AKT3: variants seen among roughly 807,000 people sequenced by gnomAD.
AKT3 encodes AKT serine/threonine kinase 3, also known as RAC-gamma serine/threonine-protein kinase.
AKT3 carries 15 observed loss-of-function variants against 65.3 expected under a neutral mutation model. That is an observed-to-expected ratio of 0.23 (90% CI 0.15 to 0.35). The LOEUF is 0.35. AKT3 is among the 10% of genes least tolerant of loss of function. The pLI, the probability that AKT3 is intolerant of heterozygous loss-of-function variation, is 1.00. For synonymous variants in AKT3, 206 were observed against 183.8 expected (o/e 1.12, Z -0.98); for missense variants, 243 against 576.5 (o/e 0.42, Z 5.92).
intron 11 of AKT3, 123 bp downstream of exon 11, chr1:243,552,606 C>T (rs1446688917): frequency 1.2e-6 from 1 of 863,412 alleles, no homozygotes; most frequent in African/African-American, 1.7e-5. Context: ...GTCAGGATCT[C>T]AGTGGGAAGA....
intron 12 of AKT3, 148 bp from the exon 13 acceptor site, chr1:243,512,574 C>T: frequency 1.7e-6 from 1 of 576,794 alleles, no homozygotes; most frequent in Non-Finnish European, 3.0e-6. Context: ...TGATATTTGG[C>T]TTCCCAGTCA....
At chr1:243,752,857 G>T (rs1301029201) in intron 2 of AKT3, among the ~76,000 whole-genome samples, 2 of 152,178 alleles carry the variant, frequency 1.3e-5, no homozygotes, top group Non-Finnish European at 2.9e-5. Flanking sequence ...AGGCTCTTGG[G>T]ATGAAAGTGT....
In AKT3 at chr1:243,686,961, G is replaced by A. The variant is rs558419752; in HGVS notation, c.172+8630C>T. On this transcript the variant is annotated intron_variant, in intron 3 of 13. Transcript: ENST00000673466. ...ATTACAGGCGTGAGCCACACCACTC[G>A]GCTATATGATCTCACTTGATCCTCA... 7.9e-4 allele frequency among the ~76,000 whole-genome samples: 120 copies of A among 151,676 alleles called. 1 individual carries two copies. In the Middle Eastern group the frequency reaches 0.031, roughly 39 times the overall value.
At chr1:243,837,692 C>T (rs1276172645) in intron 2 of AKT3, among the ~76,000 whole-genome samples, 1 of 152,068 alleles carries the variant, frequency 6.6e-6, no homozygotes, top group Non-Finnish European at 1.5e-5. Flanking sequence ...AAACTGACCA[C>T]CACTCATGAT....
intron 2 of AKT3, among the ~76,000 whole-genome samples, chr1:243,792,731 T>C (rs1017316790): frequency 1.3e-5 from 2 of 152,170 alleles, no homozygotes; most frequent in Non-Finnish European, 2.9e-5. Flanking sequence ...CACTTATCTC[T>C]GTAGGAAGAA....
chr1:243,642,582 T>G (rs537418239), intron 5 of AKT3, among the ~76,000 whole-genome samples: 23 of 152,342 alleles, frequency 1.5e-4, no homozygotes, highest in African/African-American at 4.3e-4. Flanking sequence ...GTGCTGGGAT[T>G]ACAGGCGTGA....
chr1:243,695,852 A>G (rs563632243), intron 2 of AKT3, 136 bp from the exon 3 acceptor site: 1 of 616,002 alleles, frequency 1.6e-6, no homozygotes, highest in East Asian at 3.7e-5. Context: ...CTTTTAACTT[A>G]GCTTACAAAA....
At chr1:243,533,846 C>T (rs570754822) in intron 12 of AKT3, among the ~76,000 whole-genome samples, 4 of 152,104 alleles carry the variant, frequency 2.6e-5, no homozygotes, top group South Asian at 2.1e-4. Context: ...AAAAATTAGC[C>T]GGGCGTGGTG....
intron 6 of AKT3, among the ~76,000 whole-genome samples, chr1:243,616,724 A>T (rs1395217838): frequency 2.0e-5 from 3 of 152,296 alleles, no homozygotes; most frequent in African/African-American, 7.2e-5. Flanking sequence ...ATTTGACCTT[A>T]AACTCGAAAG....
At chr1:243,594,612 A>G (rs1482525431) in intron 8 of AKT3, among the ~76,000 whole-genome samples, 3 of 152,202 alleles carry the variant, frequency 2.0e-5, no homozygotes, top group East Asian at 3.8e-4. Flanking sequence ...AAGTCACACA[A>G]TCAGAGACAG....
chr1:243,500,201 C>CCATT lies in AKT3; in HGVS notation c.*5044_*5047dup. 3.8e-6 allele frequency: 1 copy of CCATT among 260,044 alleles called. No homozygotes were observed. Among genetic ancestry groups the CCATT allele is most frequent in the Non-Finnish European group, 7.5e-6 (1 of 133,706 alleles). The allele number at this position is 260,044 out of a possible 1,614,324, so 16.1% of individuals were successfully genotyped here. The stretch of plus-strand genomic sequence containing the variant: ...ATTAAGGACCAAACTTTTTTTCCTG[C>CCATT]CATTCATTTTTCTTTTCATGATCTA... On this transcript the variant is annotated 3_prime_UTR_variant, in exon 14 of 14. Transcript: ENST00000673466.
chr1:243,780,889 T>C (rs913432398), intron 2 of AKT3, among the ~76,000 whole-genome samples: 2 of 152,026 alleles, frequency 1.3e-5, no homozygotes, highest in Admixed American at 1.3e-4. Flanking sequence ...TTCCTTTCTA[T>C]AGATTACTAC....
rs6656446 is a variant in AKT3 at position 243,613,462 on chromosome 1, G to A, written c.696+209C>T. 7.2e-3 allele frequency among the ~76,000 whole-genome samples: 1,096 copies of A among 152,178 alleles called. 10 individuals are homozygous for A. Among genetic ancestry groups the A allele is most frequent in the African/African-American group, 0.025 (1,034 of 41,546 alleles). ...ACAGGAAAAAGAAGAATATGATTAT[G>A]CTTTCCAACATATAAATGTAGTTAT... is the stretch of plus-strand genomic sequence containing the variant. On this transcript the variant is annotated intron_variant, in intron 8 of 13. Transcript: ENST00000673466.
chr1:243,835,182 C>T (rs1051657451), intron 2 of AKT3, among the ~76,000 whole-genome samples: 3 of 152,160 alleles, frequency 2.0e-5, no homozygotes. Context: ...CATTCAGCAG[C>T]ATATCTGGCC....
At chr1:243,794,086 T>C (rs1691798978) in intron 2 of AKT3, among the ~76,000 whole-genome samples, 4 of 152,232 alleles carry the variant, frequency 2.6e-5, no homozygotes, top group Admixed American at 1.3e-4. Flanking sequence ...TACAGTGCAG[T>C]AGCACGATCA....
At position 243,604,327 on chromosome 1, in the gene AKT3, C is replaced by A. The variant is rs148549941; in HGVS notation, c.696+9344G>T. ...GCCAAGTATTCTTTCTAAACATTTCCCCCAAAGAAATTCTTCCATGATGCT... is the reference window on the plus strand; with the variant it reads ...GCCAAGTATTCTTTCTAAACATTTCACCCAAAGAAATTCTTCCATGATGCT... On this transcript the variant is annotated intron_variant, in intron 8 of 13. Coordinates refer to ENST00000673466, the MANE Select transcript of AKT3 (RefSeq NM_005465.7). 2.0e-5 allele frequency among the ~76,000 whole-genome samples: 3 copies of A among 152,276 alleles called. No individual in the cohort carries two copies. In the East Asian group the frequency reaches 5.8e-4, roughly 29 times the overall value.
At chr1:243,827,626 C>A (rs1040578021) in intron 2 of AKT3, among the ~76,000 whole-genome samples, 4 of 151,948 alleles carry the variant, frequency 2.6e-5, no homozygotes, top group African/African-American at 9.7e-5. Context: ...TAAAGTTTAA[C>A]CAAAGAATTA....
At chr1:243,736,536 A>C (rs1411671693) in intron 2 of AKT3, among the ~76,000 whole-genome samples, 1 of 152,236 alleles carries the variant, frequency 6.6e-6, no homozygotes, top group Non-Finnish European at 1.5e-5. Flanking sequence ...GGCCCTACCA[A>C]TAAAGGTTTA....
intron 3 of AKT3, among the ~76,000 whole-genome samples, chr1:243,694,744 A>T (rs183325172): frequency 6.6e-6 from 1 of 152,000 alleles, no homozygotes; most frequent in East Asian, 1.9e-4. Context: ...ATTTTCTTGA[A>T]TTTTTTGTTA....
Sources: gnomAD v4.1 joint callset for allele counts (sites outside exome capture counted in the v4.1 genomes callset) on GRCh38, gnomAD v4.1.1 for gene constraint, MANE v1.5 for transcripts, NCBI Gene and HGNC (gene_info 2026-07-23, HGNC 2026-07-21) for gene names.